Variants in ABR observed in about 807,000 individuals in gnomAD.
ABR encodes the protein active breakpoint cluster region-related protein.
ABR carries 35 observed loss-of-function variants against 107.2 expected under a neutral mutation model. The ratio of observed to expected loss-of-function variants is 0.33; its 90% confidence interval spans 0.25 to 0.43. ABR has a LOEUF of 0.43. Among genes scored for constraint, ABR ranks in the 20% least tolerant of loss-of-function variants. The probability of loss-of-function intolerance (pLI) is 1.00; values close to 1 mark genes in which losing one functional copy is unlikely to be tolerated. For synonymous variants in ABR, 498 were observed against 462.0 expected (o/e 1.08, Z -1.00); for missense variants, 815 against 1,115.2 (o/e 0.73, Z 3.83).
intron 1 of ABR, among the ~76,000 whole-genome samples, chr17:1,130,421 C>G (rs1156275616): frequency 6.6e-6 from 1 of 151,982 alleles, no homozygotes; most frequent in East Asian, 1.9e-4. Flanking sequence ...ATTCCAGCAC[C>G]CTCCCCACAG....
intron 21 of ABR, among the ~76,000 whole-genome samples, chr17:1,009,347 C>T (rs1282388825): frequency 6.6e-6 from 1 of 151,670 alleles, no homozygotes; most frequent in Non-Finnish European, 1.5e-5. Context: ...TTGGGACCCA[C>T]TGATTATAAA....
chr17:1,079,301 C>T (rs777278668), intron 6 of ABR, 29 bp downstream of exon 6: 6 of 1,608,734 alleles, frequency 3.7e-6, no homozygotes, highest in Non-Finnish European at 5.1e-6. Flanking sequence ...AAGGTAGGTG[C>T]CTGTAATCCA....
intron 3 of ABR, among the ~76,000 whole-genome samples, chr17:1,095,972 G>A (rs533145786): frequency 1.2e-3 from 180 of 152,330 alleles, no homozygotes; most frequent in African/African-American, 4.1e-3. Context: ...AGGGCCAGTC[G>A]TGGCCAGCGG....
Position 1,070,085 on chromosome 17 carries a change from T to C in ABR, c.900A>G (p.Arg300=). ...CCAGGAAGCCGTCCTTCACCAGCTG[T>C]CGCGTCTGAGGGAGATGGCAGACCC... The part of the protein sequence containing the change: ...TAVTTPKGET[R]QLVKDGFLVE... The change falls in exon 9 of 23, where the codon CGA becomes CGG. Residue 300 remains arginine, a synonymous_variant. Transcript: ENST00000302538. The surrounding 1 kb of genome is among the most constrained non-coding windows in gnomAD (Gnocchi z 4.2). 6.2e-7 allele frequency: 1 copy of C among 1,613,284 alleles called. No homozygotes were observed. The highest frequency in any genetic ancestry group is 8.5e-7 in the Non-Finnish European group (1 of 1,179,742).
chr17:1,095,097 C>A (rs2037318126), intron 3 of ABR, among the ~76,000 whole-genome samples: 1 of 152,174 alleles, frequency 6.6e-6, no homozygotes, highest in Non-Finnish European at 1.5e-5. Flanking sequence ...GAATTCTTGT[C>A]CCCGCCTTGG....
intron 16 of ABR, 74 bp downstream of exon 16, chr17:1,049,976 T>A: frequency 1.3e-6 from 2 of 1,541,260 alleles, no homozygotes; most frequent in Non-Finnish European, 1.7e-6. Flanking sequence ...GCAGGCTCCT[T>A]GACCAGAATT....
rs2010224 is a variant in ABR, at chr17:1,050,420, G to A, written c.1659+117C>T. 0.034 allele frequency: 35,884 copies of A among 1,056,276 alleles called. 743 individuals carry two copies. Among genetic ancestry groups the A allele is most frequent in the Non-Finnish European group, 0.042 (29,106 of 692,546 alleles). 65.4% of individuals were successfully genotyped at this position (1,056,276 alleles called of 1,614,324 possible). On this transcript the variant is annotated intron_variant, in intron 15 of 22. Coordinates refer to ENST00000302538, the MANE Select transcript of ABR (RefSeq NM_021962.5). This position sits in a 1 kb window ranked among gnomAD's most constrained non-coding sequence, Gnocchi z 4.6. ...CGATCAGAAGCCAGAGGAGCAGGGA[G>A]CAGAAAGGGGGGTGCAGACATAGCT...
chr17:1,047,233 G>A (rs1188521978), intron 16 of ABR, among the ~76,000 whole-genome samples: 9 of 152,384 alleles, frequency 5.9e-5, no homozygotes, highest in Middle Eastern at 6.8e-3. Context: ...TGTCCTCAGC[G>A]CCTGCTGGCG....
intron 16 of ABR, among the ~76,000 whole-genome samples, chr17:1,018,462 C>A (rs1412225029): frequency 6.6e-6 from 1 of 152,220 alleles, no homozygotes; most frequent in African/African-American, 2.4e-5. Context: ...AGCCTCAGGC[C>A]AATTCCATGG....
chr17:1,188,629 T>A (rs910762268), upstream of ABR, among the ~76,000 whole-genome samples: 2 of 152,002 alleles, frequency 1.3e-5, no homozygotes, highest in Non-Finnish European at 2.9e-5. Context: ...TCTTAAAATG[T>A]CCTACAGGAC....
Position 1,109,119 on chromosome 17 carries a change from CGGCGGGA to C in ABR, c.247-8391_247-8385del, listed in dbSNP as rs750266039. 3 of 1,320,900 alleles carry C rather than the reference CGGCGGGA, an allele frequency of 2.3e-6. No individual in the cohort carries two copies. In the East Asian group the frequency reaches 1.4e-4, roughly 63 times the overall value. The allele number at this position is 1,320,900 out of a possible 1,614,324, so 81.8% of individuals were successfully genotyped here. ...ACAGGAAGCGGGGTCCACGCAGCGG[CGGCGGGA>C]GGAGGGAGGAGGGAGGAGGCGGGCG... On this transcript the variant is annotated intron_variant, in intron 2 of 22. Coordinates refer to ENST00000302538, the MANE Select transcript of ABR (RefSeq NM_021962.5).
At chr17:1,137,743 T>C (rs1320824631) in intron 1 of ABR, among the ~76,000 whole-genome samples, 2 of 152,000 alleles carry the variant, frequency 1.3e-5, no homozygotes, top group African/African-American at 4.8e-5. Context: ...CAACTAAGCA[T>C]GGAGGTGCCG....
rs113942257 is a variant in ABR, at chr17:1,028,222, C to G, written c.1792-15058G>C. 6.6e-3 allele frequency among the ~76,000 whole-genome samples: 1,000 copies of G among 151,706 alleles called. 18 individuals are homozygous for G. Among genetic ancestry groups the G allele is most frequent in the African/African-American group, 0.022 (917 of 41,378 alleles). ...GCTCCTGCCTCAGCCTCCCTAGCAG[C>G]TGGGATTACAGGTGCCCGCCACCAT... On this transcript the variant is annotated intron_variant, in intron 16 of 22. Coordinates refer to ENST00000302538, the MANE Select transcript of ABR (RefSeq NM_021962.5).
intron 2 of ABR, among the ~76,000 whole-genome samples, chr17:1,106,910 C>T (rs1045177060): frequency 3.3e-5 from 5 of 152,214 alleles, no homozygotes; most frequent in African/African-American, 1.2e-4. Context: ...AAGATCACGC[C>T]TTGTTCCTCT....
At chr17:1,217,383 T>C (rs1452903911) in intron 1 of ABR, among the ~76,000 whole-genome samples, 1 of 152,194 alleles carries the variant, frequency 6.6e-6, no homozygotes, top group African/African-American at 2.4e-5. Flanking sequence ...GTTTCACCTT[T>C]ATAGTCTATT....
At position 1,091,672 on chromosome 17, in the gene ABR, T is replaced by C. The variant is rs769505234; in HGVS notation, c.524A>G (p.Gln175Arg). ...DSQVTMGHLF[Q>R]KLASQLGVYK... is the part of the protein sequence containing the mutation. ...CATCCCTGGCAGACTCACCAGCTTCTGGAAGAGGTGGCCCATGGTGACCTG... is the reference window on the plus strand; with the variant it reads ...CATCCCTGGCAGACTCACCAGCTTCCGGAAGAGGTGGCCCATGGTGACCTG... Residue 175 changes from glutamine to arginine, a missense_variant, in exon 4 of 23, where the codon CAG (glutamine) becomes CGG (arginine). By Grantham distance (43) the Gln-to-Arg change is conservative (BLOSUM62 1). Transcript: ENST00000302538. The C allele has an allele frequency of 6.2e-7, 1 of 1,613,194 alleles. No homozygotes were observed. The highest frequency in any genetic ancestry group is 1.7e-5 in the Admixed American group (1 of 59,952).
chr17:1,051,231 G>C lies in ABR; in HGVS notation c.1562-597C>G, dbSNP rs1751433906. 6.6e-6 allele frequency among the ~76,000 whole-genome samples: 1 copy of C among 152,250 alleles called. No homozygotes were observed. Among genetic ancestry groups the C allele is most frequent in the South Asian group, 2.1e-4 (1 of 4,826 alleles). ...TCCGCTGCACTTAACATAAACCAAA[G>C]GGATCTTCTCTACTCGTGCGTCCCT... On this transcript the variant is annotated intron_variant, in intron 14 of 22. Transcript: ENST00000302538. This position sits in a 1 kb window ranked among gnomAD's most constrained non-coding sequence, Gnocchi z 4.3.
chr17:1,208,441 A>G (rs2042837622), intron 1 of ABR, among the ~76,000 whole-genome samples: 1 of 152,198 alleles, frequency 6.6e-6, no homozygotes, highest in Non-Finnish European at 1.5e-5. Context: ...ACTGCATGCC[A>G]CGGTCCCCTG....
chr17:1,019,140 G>C (rs562303741), intron 16 of ABR, among the ~76,000 whole-genome samples: 11 of 152,138 alleles, frequency 7.2e-5, no homozygotes, highest in Non-Finnish European at 1.0e-4. Context: ...CCGCTGCCTC[G>C]TGCCCATCAC....
Sources: allele counts gnomAD v4.1 joint callset (sites outside exome capture counted in the v4.1 genomes callset), GRCh38; gene constraint gnomAD v4.1.1; non-coding constraint Gnocchi (gnomAD v3.1); transcripts MANE v1.5; gene names NCBI Gene and HGNC (gene_info 2026-07-23, HGNC 2026-07-21).